The following CHSY3 variants were observed in gnomAD, a reference collection of about 807,000 sequenced individuals.
CHSY3 encodes the protein chondroitin sulfate synthase 3.
Under a neutral mutation model 67.2 loss-of-function variants are expected in CHSY3, and 35 were observed. That is an observed-to-expected ratio of 0.52 (90% CI 0.40 to 0.69). The LOEUF (loss-of-function observed/expected upper bound fraction) is 0.69, where lower values mean the gene tolerates loss of function less well. CHSY3 is among the 30% of genes least tolerant of loss of function. The pLI is 0.00. For missense variants in CHSY3, 1,069 were observed against 1,138.5 expected, an observed-to-expected ratio of 0.94 and a Z score of 0.88; for synonymous variants, 474 against 434.7, an observed-to-expected ratio of 1.09 and a Z score of -1.12.
chr5:130,185,264 T>G lies in CHSY3; in HGVS notation c.2122T>G (p.Phe708Val). Residue 708 changes from phenylalanine (F) to valine (V), a missense_variant, in exon 3 of 3, where the codon TTT becomes GTT. Physicochemically the swap from Phe to Val is conservative, Grantham distance 50. This residue lies in a region of CHSY3 where 401 missense variants were observed against 395.2 expected (regional missense o/e 1.01). Transcript: ENST00000305031. Reference sequence around the variant, plus strand: ...TGGTCTTGAAATGGCTTCTGCCCAGTTTGACAATGACACTTTGCTGCTATT... The same window carrying G: ...TGGTCTTGAAATGGCTTCTGCCCAGGTTGACAATGACACTTTGCTGCTATT... ...GLGLEMASAQ[F>V]DNDTLLLFCD... 1 of 1,608,948 alleles carries G rather than the reference T, an allele frequency of 6.2e-7. No individual in the cohort carries two copies. Among genetic ancestry groups the G allele is most frequent in the East Asian group, 2.2e-5 (1 of 44,844 alleles).
At chr5:129,959,685 A>G (rs1006253461) in intron 2 of CHSY3, among the ~76,000 whole-genome samples, 4 of 152,142 alleles carry the variant, frequency 2.6e-5, no homozygotes, top group African/African-American at 9.7e-5. Flanking sequence ...TAGCATGTTT[A>G]GACTTATTTG....
chr5:130,182,350 C>T (rs1201363856), intron 2 of CHSY3, among the ~76,000 whole-genome samples: 7 of 151,908 alleles, frequency 4.6e-5, no homozygotes, highest in Admixed American at 4.6e-4. Flanking sequence ...TTTGTCCTTC[C>T]TTTTTTCCTT....
chr5:129,933,516 A>T (rs1341921729), intron 2 of CHSY3, among the ~76,000 whole-genome samples: 2 of 152,180 alleles, frequency 1.3e-5, no homozygotes, highest in East Asian at 3.8e-4. Context: ...GAAGGGTGTA[A>T]CAGAAGTGTT....
intron 2 of CHSY3, among the ~76,000 whole-genome samples, chr5:129,941,765 G>A (rs1315998755): frequency 6.6e-6 from 1 of 152,102 alleles, no homozygotes; most frequent in Non-Finnish European, 1.5e-5. Flanking sequence ...TGGAGGTAGT[G>A]TAAGATTGCA....
At chr5:130,158,000 T>C in intron 2 of CHSY3, among the ~76,000 whole-genome samples, 2 of 152,256 alleles carry the variant, frequency 1.3e-5, no homozygotes, top group East Asian at 3.8e-4. Context: ...TCTTTTAGCA[T>C]GCTATTGCAT....
intron 2 of CHSY3, among the ~76,000 whole-genome samples, chr5:130,067,566 G>A (rs148790270): frequency 6.6e-6 from 1 of 152,062 alleles, no homozygotes; most frequent in African/African-American, 2.4e-5. Flanking sequence ...AAGCAGTAAA[G>A]GTACCTGTGC....
At chr5:129,981,780 C>G (rs1762992302) in intron 2 of CHSY3, among the ~76,000 whole-genome samples, 1 of 152,102 alleles carries the variant, frequency 6.6e-6, no homozygotes, top group South Asian at 2.1e-4. Context: ...TTGCCCTGAG[C>G]TTAGTGGGAA....
At position 129,993,843 on chromosome 5, in the gene CHSY3, T is replaced by C. The variant is rs1000226261; in HGVS notation, c.1086+85483T>C. 2.0e-5 allele frequency among the ~76,000 whole-genome samples: 3 copies of C among 151,584 alleles called. 1 individual carries two copies. Among genetic ancestry groups the C allele is most frequent in the Admixed American group, 1.4e-4 (2 of 14,740 alleles). On this transcript the variant is annotated intron_variant, in intron 2 of 2. Transcript: ENST00000305031. ...CAATTTGGCATGTTTTTGCAGTGGC[T>C]GGTACTGGTTGTTCCTTTCCATGTT...
At chr5:130,101,661 C>T (rs1253006654) in intron 2 of CHSY3, among the ~76,000 whole-genome samples, 1 of 152,012 alleles carries the variant, frequency 6.6e-6, no homozygotes, top group East Asian at 1.9e-4. Context: ...ACTATAGTCA[C>T]CATGTTATAC....
At chr5:129,937,018 G>C (rs757242193) in intron 2 of CHSY3, among the ~76,000 whole-genome samples, 2 of 152,074 alleles carry the variant, frequency 1.3e-5, no homozygotes, top group Non-Finnish European at 2.9e-5. Context: ...CCTTCATTTG[G>C]AGTTCTCTCT....
At chr5:130,162,713 T>A (rs34250057) in intron 2 of CHSY3, among the ~76,000 whole-genome samples, 16,787 of 151,976 alleles carry the variant, frequency 0.11, 1,143 homozygotes, top group South Asian at 0.17. Flanking sequence ...ATCTTTTTTT[T>A]AAAAATGTTA....
At chr5:129,976,682 T>A (rs1435155014) in intron 2 of CHSY3, among the ~76,000 whole-genome samples, 1 of 152,016 alleles carries the variant, frequency 6.6e-6, no homozygotes, top group African/African-American at 2.4e-5. Flanking sequence ...ATTTTTTAAA[T>A]GGTGGGATTT....
chr5:130,009,665 C>A (rs1386171449), intron 2 of CHSY3, among the ~76,000 whole-genome samples: 2 of 152,102 alleles, frequency 1.3e-5, no homozygotes. Context: ...TGTACATGGG[C>A]TGAACACCCC....
intron 2 of CHSY3, among the ~76,000 whole-genome samples, chr5:129,948,514 T>C (rs1049386983): frequency 9.8e-5 from 15 of 152,320 alleles, no homozygotes; most frequent in Admixed American, 6.5e-4. Flanking sequence ...GTGAATGCCA[T>C]TGTATTGTTC....
intron 2 of CHSY3, among the ~76,000 whole-genome samples, chr5:129,947,443 G>A (rs2149598722): frequency 6.6e-6 from 1 of 152,102 alleles, no homozygotes; most frequent in Admixed American, 6.5e-5. Flanking sequence ...GGCCAACATG[G>A]TGAAACCCAT....
intron 2 of CHSY3, among the ~76,000 whole-genome samples, chr5:130,067,754 A>T (rs1433509618): frequency 1.3e-5 from 2 of 152,132 alleles, no homozygotes; most frequent in African/African-American, 4.8e-5. Flanking sequence ...GTGATTATGT[A>T]TGTTTGTATA....
intron 2 of CHSY3, among the ~76,000 whole-genome samples, chr5:129,950,815 T>G (rs1021687491): frequency 5.9e-5 from 9 of 152,210 alleles, no homozygotes; most frequent in Admixed American, 5.9e-4. Flanking sequence ...ACAGTCAATA[T>G]GTCTATACTA....
chr5:130,020,457 A>T (rs1366522728), intron 2 of CHSY3, among the ~76,000 whole-genome samples: 1,798 of 5,396 alleles, frequency 0.33, 141 homozygotes, highest in African/African-American at 0.38. Context: ...ATATATATAT[A>T]TATATTTTTT....
At chr5:130,153,722 G>A (rs1306494967) in intron 2 of CHSY3, among the ~76,000 whole-genome samples, 2 of 152,136 alleles carry the variant, frequency 1.3e-5, no homozygotes, top group African/African-American at 2.4e-5. Context: ...CCTCTGTTGG[G>A]TCAAAATGCT....
Sources: gnomAD v4.1 joint callset for allele counts (sites outside exome capture counted in the v4.1 genomes callset) on GRCh38, gnomAD v4.1.1 for gene constraint, gnomAD v4.1.1 regional missense constraint, MANE v1.5 for transcripts, NCBI Gene and HGNC (gene_info 2026-07-23, HGNC 2026-07-21) for gene names.